Variants in TESK1 observed in about 807,000 individuals in gnomAD.
TESK1 encodes testis associated actin remodelling kinase 1.
In TESK1, 18 loss-of-function variants were observed where a neutral mutation model predicts 59.9. That is an observed-to-expected ratio of 0.30 (90% CI 0.21 to 0.45). TESK1 has a LOEUF of 0.45. Ranked by LOEUF, TESK1 falls within the 20% of genes least tolerant of loss-of-function variation. The pLI is 1.00. For synonymous variants in TESK1, 341 were observed against 357.4 expected (o/e 0.95, Z 0.52); for missense variants, 748 against 840.9 (o/e 0.89, Z 1.37).
intron 1 of TESK1, 48 bp from the exon 2 acceptor site, chr9:35,605,936 G>A (rs758431845): frequency 6.2e-7 from 1 of 1,609,654 alleles, no homozygotes; most frequent in Non-Finnish European, 8.5e-7. Flanking sequence ...CCAGACTCCG[G>A]CGACCCGCCC....
intron 3 of TESK1, 106 bp from the exon 4 acceptor site, chr9:35,606,731 C>A: frequency 8.3e-7 from 1 of 1,198,016 alleles, no homozygotes; most frequent in Non-Finnish European, 1.2e-6. Flanking sequence ...CAGTCTTACC[C>A]CTATGACCTC....
chr9:35,609,826 G>A lies in TESK1; in HGVS notation c.*84G>A. ...AGAGCACACTTGCTGGACAGTGCCAGTTCCAGATGGGCTGACCGGCTCTTC... is the reference window on the plus strand; with the variant it reads ...AGAGCACACTTGCTGGACAGTGCCAATTCCAGATGGGCTGACCGGCTCTTC... On this transcript the variant is annotated 3_prime_UTR_variant, in exon 10 of 10. Transcript: ENST00000336395. This position sits in a 1 kb window ranked among gnomAD's most constrained non-coding sequence, Gnocchi z 6.7. 7.1e-7 allele frequency: 1 copy of A among 1,409,288 alleles called. No homozygotes were observed. The highest frequency in any genetic ancestry group is 9.3e-7 in the Non-Finnish European group (1 of 1,070,392). 87.3% of individuals were successfully genotyped at this position (1,409,288 alleles called of 1,614,324 possible).
chr9:35,606,404 G>A (rs1415328598), intron 3 of TESK1, 119 bp downstream of exon 3: 7 of 1,273,948 alleles, frequency 5.5e-6, no homozygotes, highest in South Asian at 1.2e-5. Flanking sequence ...CTCCTCTCAG[G>A]GGAGGCTTTC....
Position 35,607,431 on chromosome 9 carries a change from C to A in TESK1, c.620+22C>A, listed in dbSNP as rs376472938. The A allele has an allele frequency of 6.2e-7, 1 of 1,613,690 alleles. No homozygotes were observed. Among genetic ancestry groups the A allele is most frequent in the Non-Finnish European group, 8.5e-7 (1 of 1,179,686 alleles). ...ATAGGTGAGATGAATGTCCCTGTTC[C>A]CCCCAAATCTCCCAGAGTGCCCCTA... On this transcript the variant is annotated intron_variant, in intron 5 of 9. Coordinates refer to ENST00000336395, the MANE Select transcript of TESK1 (RefSeq NM_006285.3). The surrounding 1 kb of genome is among the most constrained non-coding windows in gnomAD (Gnocchi z 4.5).
At chr9:35,605,873 G>A (rs1168568706) in intron 1 of TESK1, 35 bp downstream of exon 1, 1 of 1,607,006 alleles carries the variant, frequency 6.2e-7, no homozygotes. Flanking sequence ...GGGCGGGACC[G>A]AGCCTTCAAC....
intron 9 of TESK1, 26 bp from the exon 10 acceptor site, chr9:35,608,836 G>A (rs774451549): frequency 3.2e-6 from 5 of 1,550,596 alleles, no homozygotes; most frequent in Non-Finnish European, 4.4e-6. Flanking sequence ...GCTGAGGACA[G>A]TGATTCCAGA....
At position 35,607,525 on chromosome 9, in the gene TESK1, G is replaced by A; in HGVS notation, c.621-57G>A. 1 of 1,582,306 alleles carries A rather than the reference G, an allele frequency of 6.3e-7. No homozygotes were observed. Among genetic ancestry groups the A allele is most frequent in the Non-Finnish European group, 8.7e-7 (1 of 1,151,774 alleles). On this transcript the variant is annotated intron_variant, in intron 5 of 9. Coordinates refer to ENST00000336395, the MANE Select transcript of TESK1 (RefSeq NM_006285.3). The surrounding 1 kb of genome is among the most constrained non-coding windows in gnomAD (Gnocchi z 4.5). Reference sequence around the variant, plus strand: ...GAGGGAGTTCACCTCATCCCCTTTTGCCTGGGGGGGATGCCTGAATAGGAT... The same window carrying A: ...GAGGGAGTTCACCTCATCCCCTTTTACCTGGGGGGGATGCCTGAATAGGAT...
In TESK1 at chr9:35,606,221, C is replaced by G; in HGVS notation, c.342-16C>G. 2 of 1,614,158 alleles carry G rather than the reference C, an allele frequency of 1.2e-6. No individual in the cohort carries two copies. The highest frequency in any genetic ancestry group is 1.7e-6 in the Non-Finnish European group (2 of 1,180,016). On this transcript the variant is annotated splice_polypyrimidine_tract_variant and intron_variant, in intron 2 of 9. Coordinates refer to ENST00000336395, the MANE Select transcript of TESK1 (RefSeq NM_006285.3). Reference sequence around the variant, plus strand: ...CTTTAATAGCCTATCCTTCTATCTTCCCCATCCTCTTGCAGGTTCATGGGA... The same window carrying G: ...CTTTAATAGCCTATCCTTCTATCTTGCCCATCCTCTTGCAGGTTCATGGGA...
Position 35,605,471 on chromosome 9 carries a change from C to CTGG in TESK1, c.-149_-148insTGG. Reference sequence around the variant, plus strand: ...CCAGCCGGCGCGGCGGGGGCGGGTCCAGGATCTTCGGCGGATCTTCCATTC... The same window carrying CTGG: ...CCAGCCGGCGCGGCGGGGGCGGGTCCTGGAGGATCTTCGGCGGATCTTCCATTC... On this transcript the variant is annotated 5_prime_UTR_variant, in exon 1 of 10. Transcript: ENST00000336395. 4.9e-6 allele frequency: 1 copy of CTGG among 202,916 alleles called. No individual in the cohort carries two copies. The highest frequency in any genetic ancestry group is 9.5e-6 in the Non-Finnish European group (1 of 104,726). The allele number at this position is 202,916 out of a possible 1,614,324, so 12.6% of individuals were successfully genotyped here.
At position 35,609,510 on chromosome 9, in the gene TESK1, C is replaced by T. The variant is rs1264154296; in HGVS notation, c.1649C>T (p.Thr550Ile). The change falls in exon 10 of 10, where the codon ACA becomes ATA. Residue 550 changes from threonine to isoleucine, a missense_variant. Thr to Ile is a moderately conservative substitution (Grantham distance 89, BLOSUM62 -1). Around this residue, in one of 3 missense-constraint regions of TESK1, gnomAD observed 447 missense variants for 466.1 expected, o/e 0.96. Transcript: ENST00000336395. This position sits in a 1 kb window ranked among gnomAD's most constrained non-coding sequence, Gnocchi z 6.7. ...CCCCGGGCGGCAGCCCTGGAGCGGA[C>T]AGAACCCTCGCCACCCCCTTCAGCT... is the stretch of plus-strand genomic sequence containing the variant. ...SLPRAAALERTEPSPPPSAPR... is the reference protein window; with the variant it reads ...SLPRAAALERIEPSPPPSAPR... 3.1e-6 allele frequency: 5 copies of T among 1,608,658 alleles called. No individual in the cohort carries two copies. Among genetic ancestry groups the T allele is most frequent in the Non-Finnish European group, 8.5e-7 (1 of 1,177,116 alleles).
At position 35,607,093 on chromosome 9, in the gene TESK1, G is replaced by A; in HGVS notation, c.537+110G>A. On this transcript the variant is annotated intron_variant, in intron 4 of 9. Coordinates refer to ENST00000336395, the MANE Select transcript of TESK1 (RefSeq NM_006285.3). This position sits in a 1 kb window ranked among gnomAD's most constrained non-coding sequence, Gnocchi z 4.5. ...AACAGATATATTAGGATGTTGGAGT[G>A]GCAAGGCATTGGAGAATATTGGGGG... is the stretch of plus-strand genomic sequence containing the variant. The A allele has an allele frequency of 7.0e-7, 1 of 1,430,838 alleles. No homozygotes were observed. Among genetic ancestry groups the A allele is most frequent in the Non-Finnish European group, 9.3e-7 (1 of 1,071,808 alleles). The allele number at this position is 1,430,838 out of a possible 1,614,324, so 88.6% of individuals were successfully genotyped here.
rs780811443 is a variant in TESK1, at chr9:35,608,968, C to G, written c.1107C>G (p.Pro369=). 1 of 1,614,210 alleles carries G rather than the reference C, an allele frequency of 6.2e-7. No homozygotes were observed. ...LFLPPSPESP[P]NWGDNLTRVN... ...TGCCCCCATCACCAGAATCACCCCC[C>G]AACTGGGGGGACAATCTGACTCGAG... The change falls in exon 10 of 10, where the codon CCC becomes CCG. Residue 369 remains proline, a synonymous_variant. Coordinates refer to ENST00000336395, the MANE Select transcript of TESK1 (RefSeq NM_006285.3).
intron 3 of TESK1, 134 bp from the exon 4 acceptor site, chr9:35,606,702 TG>T (rs367651193): frequency 1.7e-4 from 124 of 736,992 alleles, no homozygotes; most frequent in Middle Eastern, 4.1e-4. Flanking sequence ...AGAACATGGA[TG>T]GGGGGGGTCC....
In TESK1 at chr9:35,609,085, A is replaced by G. The variant is rs1284417092; in HGVS notation, c.1224A>G (p.Pro408=). 5.0e-6 allele frequency: 8 copies of G among 1,613,964 alleles called. No individual in the cohort carries two copies. The highest frequency in any genetic ancestry group is 1.1e-5 in the South Asian group (1 of 91,084). Residue 408 remains proline (P), a synonymous_variant, in exon 10 of 10, where the codon CCA becomes CCG. Transcript: ENST00000336395. This position sits in a 1 kb window ranked among gnomAD's most constrained non-coding sequence, Gnocchi z 6.7. Reference sequence around the variant, plus strand: ...AGCCAGTCCTGCCTCTTGTGCCACCATCACCATTCCCATCCACTCAGCTGC... The same window carrying G: ...AGCCAGTCCTGCCTCTTGTGCCACCGTCACCATTCCCATCCACTCAGCTGC... ...PSKPVLPLVP[P]SPFPSTQLPL... is the part of the protein sequence containing the mutation.
At position 35,607,393 on chromosome 9, in the gene TESK1, A is replaced by C; in HGVS notation, c.604A>C (p.Lys202Gln). The C allele has an allele frequency of 6.2e-7, 1 of 1,614,132 alleles. No individual in the cohort carries two copies. Among genetic ancestry groups the C allele is most frequent in the East Asian group, 2.2e-5 (1 of 44,884 alleles). ...CGTGGGTGACTTCGGGCTGGCCGAA[A>C]AGATTCCTGTGTATAGGTGAGATGA... Reference protein sequence around the residue: ...AVVGDFGLAEKIPVYREGARK... With the variant: ...AVVGDFGLAEQIPVYREGARK... Residue 202 changes from lysine (K) to glutamine (Q), a missense_variant, in exon 5 of 10, where the codon AAG becomes CAG. By Grantham distance (53) the Lys-to-Gln change is moderately conservative. Transcript: ENST00000336395. This position sits in a 1 kb window ranked among gnomAD's most constrained non-coding sequence, Gnocchi z 4.5.
chr9:35,608,998 C>T lies in TESK1; in HGVS notation c.1137C>T (p.Asn379=), dbSNP rs1409585366. The change falls in exon 10 of 10, where the codon AAC becomes AAT. Residue 379 remains asparagine, a synonymous_variant. Coordinates refer to ENST00000336395, the MANE Select transcript of TESK1 (RefSeq NM_006285.3). The stretch of plus-strand genomic sequence containing the variant: ...GGGGGGACAATCTGACTCGAGTCAA[C>T]CCCTTCTCACTACGGGAAGACCTCA... ...PNWGDNLTRV[N]PFSLREDLRG... The T allele has an allele frequency of 6.2e-7, 1 of 1,614,088 alleles. No homozygotes were observed. Among genetic ancestry groups the T allele is most frequent in the African/African-American group, 1.3e-5 (1 of 74,940 alleles).
chr9:35,605,903 G>T (rs1587894645), intron 1 of TESK1, 65 bp downstream of exon 1: 2 of 1,606,396 alleles, frequency 1.2e-6, no homozygotes, highest in Non-Finnish European at 1.7e-6. Flanking sequence ...AAACTAGGGG[G>T]CCGGGAGTGC....
chr9:35,609,986 T>G lies in TESK1; in HGVS notation c.*244T>G, dbSNP rs1822947910. 2.1e-6 allele frequency: 1 copy of G among 468,356 alleles called. No homozygotes were observed. Among genetic ancestry groups the G allele is most frequent in the Non-Finnish European group, 3.7e-6 (1 of 269,010 alleles). The allele number at this position is 468,356 out of a possible 1,614,324, so 29.0% of individuals were successfully genotyped here. ...ACATGAGACTAACACGTGCAATTAT[T>G]TAAAAAGATTTCAATAAAACTGCCT... On this transcript the variant is annotated 3_prime_UTR_variant, in exon 10 of 10. Coordinates refer to ENST00000336395, the MANE Select transcript of TESK1 (RefSeq NM_006285.3). The surrounding 1 kb of genome is among the most constrained non-coding windows in gnomAD (Gnocchi z 6.7).
chr9:35,607,506 G>A lies in TESK1; in HGVS notation c.621-76G>A. Reference sequence around the variant, plus strand: ...ATGTTTCCCTTGGGGAACGGAGGGAGTTCACCTCATCCCCTTTTGCCTGGG... The same window carrying A: ...ATGTTTCCCTTGGGGAACGGAGGGAATTCACCTCATCCCCTTTTGCCTGGG... On this transcript the variant is annotated intron_variant, in intron 5 of 9. Transcript: ENST00000336395. The surrounding 1 kb of genome is among the most constrained non-coding windows in gnomAD (Gnocchi z 4.5). The A allele has an allele frequency of 6.3e-7, 1 of 1,578,780 alleles. No homozygotes were observed. The highest frequency in any genetic ancestry group is 1.1e-5 in the South Asian group (1 of 90,396).
Sources: allele counts gnomAD v4.1 joint callset, GRCh38; gene constraint gnomAD v4.1.1; regional missense constraint gnomAD v4.1.1; non-coding constraint Gnocchi (gnomAD v3.1); transcripts MANE v1.5; gene names NCBI Gene and HGNC (gene_info 2026-07-23, HGNC 2026-07-21).